Variants in CACNA1H observed in about 807,000 individuals in gnomAD.
CACNA1H encodes the protein voltage-dependent T-type calcium channel subunit alpha-1H.
In CACNA1H, 149 loss-of-function variants were observed where a neutral mutation model predicts 192.5. That is an observed-to-expected ratio of 0.77 (90% CI 0.68 to 0.89). The LOEUF (loss-of-function observed/expected upper bound fraction) is 0.89, where lower values mean the gene tolerates loss of function less well. Among genes scored for constraint, CACNA1H ranks in the 40% least tolerant of loss-of-function variants. The probability of loss-of-function intolerance (pLI) is 0.00; values close to 1 mark genes in which losing one functional copy is unlikely to be tolerated. For missense variants in CACNA1H, 4,257 were observed against 3,423.5 expected (o/e 1.24, Z -6.08); for synonymous variants, 2,202 against 1,475.2 (o/e 1.49, Z -11.29).
intron 10 of CACNA1H, 84 bp downstream of exon 10, chr16:1,204,542 A>C: frequency 9.2e-7 from 1 of 1,082,450 alleles, no homozygotes; most frequent in Non-Finnish European, 1.3e-6. Context: ...AGCAGCCCCG[A>C]TGCCTGACCT....
intron 2 of CACNA1H, among the ~76,000 whole-genome samples, chr16:1,190,661 C>G (rs916568967): frequency 1.3e-5 from 2 of 152,260 alleles, no homozygotes; most frequent in Non-Finnish European, 2.9e-5. Context: ...CCCCCCAGAC[C>G]CTGCTATACC....
Position 1,167,323 on chromosome 16 carries a change from C to T in CACNA1H, c.299+13287C>T, listed in dbSNP as rs1385642762. ...TCAGGAACCTTGGATTCCTGACACA[C>T]GGGTGCGGGGGCGATATCGGCGCGG... On this transcript the variant is annotated intron_variant, in intron 2 of 34. Transcript: ENST00000348261. This position sits in a 1 kb window ranked among gnomAD's most constrained non-coding sequence, Gnocchi z 4.2. Among the ~76,000 whole-genome samples the T allele has an allele frequency of 2.0e-5, 3 of 151,988 alleles. No individual in the cohort carries two copies. Among genetic ancestry groups the T allele is most frequent in the East Asian group, 1.9e-4 (1 of 5,164 alleles).
chr16:1,156,616 CCT>C (rs1448391276), intron 2 of CACNA1H, among the ~76,000 whole-genome samples: 1 of 152,136 alleles, frequency 6.6e-6, no homozygotes, highest in Non-Finnish European at 1.5e-5. Context: ...GCCTCCCCTC[CCT>C]CCGCAGGGCC....
rs575781079 is a variant in CACNA1H at position 1,215,781 on chromosome 16, C to T, written c.5244+188C>T. On this transcript the variant is annotated intron_variant, in intron 30 of 34. Transcript: ENST00000348261. ...TGGCAGAGGTGGATCCAGCCGCTGC[C>T]CTCTGGCCTCAATCCTCTGGGCAAG... is the stretch of plus-strand genomic sequence containing the variant. Among the ~76,000 whole-genome samples the T allele has an allele frequency of 1.8e-4, 28 of 152,292 alleles. 1 individual carries two copies. In the South Asian group the frequency reaches 5.4e-3, roughly 29 times the overall value.
intron 2 of CACNA1H, among the ~76,000 whole-genome samples, chr16:1,168,653 C>A (rs1964048075): frequency 6.6e-6 from 1 of 152,068 alleles, no homozygotes; most frequent in African/African-American, 2.4e-5. Context: ...TCGTGCTCGG[C>A]CGAGTTGGCC....
At chr16:1,157,221 T>C (rs1216595168) in intron 2 of CACNA1H, 2 of 152,016 alleles carry the variant, frequency 1.3e-5, no homozygotes, top group Non-Finnish European at 2.9e-5. Flanking sequence ...GCTGTGGGTG[T>C]GTAGGGACCA....
At position 1,209,380 on chromosome 16, in the gene CACNA1H, G is replaced by A; in HGVS notation, c.3712G>A (p.Asp1238Asn). 1 of 1,597,970 alleles carries A rather than the reference G, an allele frequency of 6.3e-7. No individual in the cohort carries two copies. ...FFLRIDSHRE[D>N]AAELDDDSED... Reference sequence around the variant, plus strand: ...CCTGCGCATCGACAGCCACCGTGAGGATGCAGCCGAGCTTGACGACGACTC... The same window carrying A: ...CCTGCGCATCGACAGCCACCGTGAGAATGCAGCCGAGCTTGACGACGACTC... Residue 1238 changes from aspartate to asparagine, a missense_variant, in exon 17 of 35, where the codon GAT (aspartate) becomes AAT (asparagine). Coordinates refer to ENST00000348261, the MANE Select transcript of CACNA1H (RefSeq NM_021098.3).
chr16:1,170,056 C>G (rs1313589383), intron 2 of CACNA1H, among the ~76,000 whole-genome samples: 1 of 152,218 alleles, frequency 6.6e-6, no homozygotes, highest in African/African-American at 2.4e-5. Context: ...GCTGAGCCCC[C>G]CTCCCCCGCT....
chr16:1,178,638 C>T (rs1368390949), intron 2 of CACNA1H, among the ~76,000 whole-genome samples: 1 of 152,160 alleles, frequency 6.6e-6, no homozygotes, highest in Non-Finnish European at 1.5e-5. Context: ...GCTTCAGCCG[C>T]CGCCATCCAG....
chr16:1,211,705 C>T lies in CACNA1H; in HGVS notation c.4477-11C>T, dbSNP rs554877194. 3 of 1,612,484 alleles carry T rather than the reference C, an allele frequency of 1.9e-6. No individual in the cohort carries two copies. In the South Asian group the frequency reaches 3.3e-5, roughly 18 times the overall value. On this transcript the variant is annotated splice_polypyrimidine_tract_variant and intron_variant, in intron 23 of 34. Coordinates refer to ENST00000348261, the MANE Select transcript of CACNA1H (RefSeq NM_021098.3). ...CTAACCCTCGCCAGTGACCCTGGCT[C>T]TGGCCCTCAGGCCCTGATGTCGCTG...
At position 1,221,682 on chromosome 16, in the gene CACNA1H, A is replaced by G; in HGVS notation, c.*688A>G. Reference sequence around the variant, plus strand: ...TCGTGTGCTTTTAAATTCAGGTTAAATGTTGCAATAATCTGATGCAGAAGA... The same window carrying G: ...TCGTGTGCTTTTAAATTCAGGTTAAGTGTTGCAATAATCTGATGCAGAAGA... On this transcript the variant is annotated 3_prime_UTR_variant, in exon 35 of 35. Coordinates refer to ENST00000348261, the MANE Select transcript of CACNA1H (RefSeq NM_021098.3). The G allele has an allele frequency of 5.2e-6, 6 of 1,160,478 alleles. No homozygotes were observed. Among genetic ancestry groups the G allele is most frequent in the Middle Eastern group, 2.8e-4 (1 of 3,580 alleles). The allele number at this position is 1,160,478 out of a possible 1,614,324, so 71.9% of individuals were successfully genotyped here.
At chr16:1,207,224 C>A (rs1404554566) in intron 13 of CACNA1H, 51 bp from the exon 14 acceptor site, 2 of 1,562,500 alleles carry the variant, frequency 1.3e-6, no homozygotes, top group South Asian at 1.2e-5. Flanking sequence ...CAAGGACTTG[C>A]CGGCATTTCG....
At chr16:1,219,175 G>A in intron 34 of CACNA1H, 45 bp downstream of exon 34, 2 of 1,468,968 alleles carry the variant, frequency 1.4e-6, no homozygotes, top group South Asian at 2.7e-5. Context: ...CGGGGATGGG[G>A]GGCTTGCAGG....
intron 5 of CACNA1H, 119 bp from the exon 6 acceptor site, chr16:1,198,496 G>A (rs931408783): frequency 9.9e-5 from 107 of 1,081,126 alleles, no homozygotes; most frequent in Admixed American, 3.8e-5. Context: ...TCAGTGTGCA[G>A]TGGGCGTGGA....
At chr16:1,184,824 A>G (rs1401949826) in intron 2 of CACNA1H, among the ~76,000 whole-genome samples, 1 of 152,252 alleles carries the variant, frequency 6.6e-6, no homozygotes, top group Non-Finnish European at 1.5e-5. Context: ...GGAAGCTGCC[A>G]TTTAAAGGCA....
At chr16:1,182,271 A>C (rs1289087827) in intron 2 of CACNA1H, among the ~76,000 whole-genome samples, 1 of 152,086 alleles carries the variant, frequency 6.6e-6, no homozygotes. Context: ...GGCGGAGGCC[A>C]GGGCCGCTCT....
rs147471463 is a variant in CACNA1H at position 1,178,651 on chromosome 16, G to C, written c.300-16321G>C. 1.4e-3 allele frequency among the ~76,000 whole-genome samples: 212 copies of C among 152,260 alleles called. 2 individuals are homozygous for C. The highest frequency in any genetic ancestry group is 1.9e-3 in the South Asian group (9 of 4,826). The stretch of plus-strand genomic sequence containing the variant: ...TTGCTTCAGCCGCCGCCATCCAGCA[G>C]ACCAGCATCCAGCCCCAAAGGGGCC... On this transcript the variant is annotated intron_variant, in intron 2 of 34. Transcript: ENST00000348261.
chr16:1,183,391 C>A (rs933287747), intron 2 of CACNA1H, among the ~76,000 whole-genome samples: 1 of 152,208 alleles, frequency 6.6e-6, no homozygotes, highest in African/African-American at 2.4e-5. Flanking sequence ...AGCGTGGAGC[C>A]GGGAATCCCT....
At chr16:1,198,500 G>A (rs369795257) in intron 5 of CACNA1H, 115 bp from the exon 6 acceptor site, 5 of 1,122,148 alleles carry the variant, frequency 4.5e-6, no homozygotes, top group East Asian at 4.7e-5. Context: ...TGTGCAGTGG[G>A]CGTGGACACC....
Sources: allele counts gnomAD v4.1 joint callset (sites outside exome capture counted in the v4.1 genomes callset), GRCh38; gene constraint gnomAD v4.1.1; non-coding constraint Gnocchi (gnomAD v3.1); transcripts MANE v1.5; gene names NCBI Gene and HGNC (gene_info 2026-07-23, HGNC 2026-07-21).